PPP1R21: variants seen among roughly 807,000 people sequenced by gnomAD.
PPP1R21 encodes the protein protein phosphatase 1 regulatory subunit 21.
Under a neutral mutation model 112.8 loss-of-function variants are expected in PPP1R21, and 85 were observed. That is an observed-to-expected ratio of 0.75 (90% CI 0.63 to 0.90). PPP1R21 has a LOEUF of 0.90. Ranked by LOEUF, PPP1R21 falls within the 40% of genes least tolerant of loss-of-function variation. The pLI is 0.00. For missense variants in PPP1R21, 1,199 were observed against 901.5 expected, an observed-to-expected ratio of 1.33 and a Z score of -4.23; for synonymous variants, 381 against 322.3, an observed-to-expected ratio of 1.18 and a Z score of -1.95.
rs1005234989 is a variant in PPP1R21, at chr2:48,444,903, C to G, written c.57+3893C>G. 4.9e-4 allele frequency among the ~76,000 whole-genome samples: 75 copies of G among 151,606 alleles called. 1 individual carries two copies. The highest frequency in any genetic ancestry group is 3.9e-3 in the Admixed American group (59 of 15,214). ...GGACAGTGGATGCCAGCAGGAAAGC[C>G]AAACATCCATTATTTCTCTACAGTT... is the stretch of plus-strand genomic sequence containing the variant. On this transcript the variant is annotated intron_variant, in intron 1 of 21. Coordinates refer to ENST00000294952, the MANE Select transcript of PPP1R21 (RefSeq NM_001135629.3).
chr2:48,454,623 T>G lies in PPP1R21; in HGVS notation c.155T>G (p.Leu52Trp), dbSNP rs1322354833. ...CAACTGAAAATGAAGGATCAGTCAT[T>G]GAGAAAACTACAACAGGAAATGGAC... ...KEQLKMKDQS[L>W]RKLQQEMDSL... is the part of the protein sequence containing the mutation. The change falls in exon 3 of 22, where the codon TTG becomes TGG. Residue 52 changes from leucine (L) to tryptophan (W), a missense_variant. By Grantham distance (61) the Leu-to-Trp change is moderately conservative. Transcript: ENST00000294952. 1.2e-6 allele frequency: 2 copies of G among 1,614,012 alleles called. No homozygotes were observed. The highest frequency in any genetic ancestry group is 1.7e-6 in the Non-Finnish European group (2 of 1,179,998).
At chr2:48,471,694 A>G (rs1054311446) in intron 11 of PPP1R21, among the ~76,000 whole-genome samples, 2 of 152,178 alleles carry the variant, frequency 1.3e-5, no homozygotes, top group African/African-American at 4.8e-5. Context: ...TTTCTTTGAA[A>G]TGGTGTATTT....
chr2:48,452,047 A>G (rs1206197875), intron 2 of PPP1R21, among the ~76,000 whole-genome samples: 1 of 152,224 alleles, frequency 6.6e-6, no homozygotes, highest in Non-Finnish European at 1.5e-5. Flanking sequence ...CACCCAAGCC[A>G]AGATGATTAA....
At chr2:48,484,927 C>T (rs530181775) in intron 13 of PPP1R21, among the ~76,000 whole-genome samples, 62 of 152,268 alleles carry the variant, frequency 4.1e-4, no homozygotes, top group African/African-American at 1.4e-3. Context: ...AGATTGCTTA[C>T]CAACCAAATT....
At chr2:48,447,518 T>C (rs1667299569) in intron 1 of PPP1R21, among the ~76,000 whole-genome samples, 1 of 152,212 alleles carries the variant, frequency 6.6e-6, no homozygotes, top group Non-Finnish European at 1.5e-5. Context: ...TTATGTCATA[T>C]GCATTGGTGT....
chr2:48,443,250 A>G (rs181901418), intron 1 of PPP1R21, among the ~76,000 whole-genome samples: 25 of 152,302 alleles, frequency 1.6e-4, no homozygotes, highest in Non-Finnish European at 7.3e-5. Flanking sequence ...GTGAGGGAAC[A>G]TGACTGCCAC....
intron 17 of PPP1R21, among the ~76,000 whole-genome samples, chr2:48,503,151 G>A (rs536817531): frequency 1.3e-5 from 2 of 151,956 alleles, no homozygotes; most frequent in South Asian, 4.2e-4. Context: ...GTTTTTTGCC[G>A]GAATGGAAAA....
intron 9 of PPP1R21, among the ~76,000 whole-genome samples, chr2:48,468,987 G>A (rs1299909707): frequency 6.6e-6 from 1 of 151,884 alleles, no homozygotes; most frequent in African/African-American, 2.4e-5. Flanking sequence ...ACATGGCTGG[G>A]GAGGCCTCAG....
chr2:48,459,623 C>T, intron 4 of PPP1R21, 131 bp from the exon 5 acceptor site: 1 of 899,358 alleles, frequency 1.1e-6, no homozygotes, highest in Non-Finnish European at 1.7e-6. Flanking sequence ...TGAGATAATG[C>T]CTGTGTGGGT....
chr2:48,498,926 C>T (rs890244478), intron 17 of PPP1R21, among the ~76,000 whole-genome samples, 191 bp downstream of exon 17: 1 of 152,092 alleles, frequency 6.6e-6, no homozygotes, highest in African/African-American at 2.4e-5. Context: ...GATTAAGGTG[C>T]TGGGAGATTC....
Position 48,485,199 on chromosome 2 carries a change from A to G in PPP1R21, c.1319-1432A>G, listed in dbSNP as rs149063543. On this transcript the variant is annotated intron_variant, in intron 13 of 21. Transcript: ENST00000294952. The stretch of plus-strand genomic sequence containing the variant: ...ACTGGGTATTAACAATCCCACTACT[A>G]TGTTCACCATTTGGGTGATGGGCTC... 3.3e-3 allele frequency among the ~76,000 whole-genome samples: 503 copies of G among 152,208 alleles called. 3 individuals carry two copies. The highest frequency in any genetic ancestry group is 5.0e-3 in the Non-Finnish European group (343 of 68,006).
Position 48,495,765 on chromosome 2 carries a change from A to T in PPP1R21, c.1686A>T (p.Ala562=). The change falls in exon 16 of 22, where the codon GCA becomes GCT. Residue 562 remains alanine (A), a synonymous_variant. Transcript: ENST00000294952. ...CTACTGAAAGTCGAGAAGGCCTTGC[A>T]CAGCAAGTATGGCACTGGGAAAATT... is the stretch of plus-strand genomic sequence containing the variant. ...LSSTESREGL[A]QQVQQSLEKI... 6.3e-7 allele frequency: 1 copy of T among 1,584,306 alleles called. No individual in the cohort carries two copies. The highest frequency in any genetic ancestry group is 8.7e-7 in the Non-Finnish European group (1 of 1,152,786).
chr2:48,474,071 A>T (rs1428232083), intron 11 of PPP1R21, among the ~76,000 whole-genome samples: 1 of 152,130 alleles, frequency 6.6e-6, no homozygotes, highest in Admixed American at 6.5e-5. Context: ...TATTTTAATG[A>T]TTTTTAACAT....
rs376347710 is a variant in PPP1R21 at position 48,461,119 on chromosome 2, ATTT to A, written c.600-7_600-5del. On this transcript the variant is annotated splice_polypyrimidine_tract_variant and intron_variant, in intron 6 of 21. Coordinates refer to ENST00000294952, the MANE Select transcript of PPP1R21 (RefSeq NM_001135629.3). ...GTGATTGGTGATAATGTGGTTTTGT[ATTT>A]TTTTTTTTTTTGCAGTCAATTACAG... 1.0e-4 allele frequency: 149 copies of A among 1,489,710 alleles called. No homozygotes were observed. Among genetic ancestry groups the A allele is most frequent in the Admixed American group, 5.3e-4 (22 of 41,388 alleles). 92.3% of individuals were successfully genotyped at this position (1,489,710 alleles called of 1,614,324 possible).
At chr2:48,500,664 A>G (rs915288773) in intron 17 of PPP1R21, among the ~76,000 whole-genome samples, 1 of 152,328 alleles carries the variant, frequency 6.6e-6, no homozygotes, top group Admixed American at 6.5e-5. Context: ...TAATCCTAGC[A>G]CTTTGGAAGG....
chr2:48,453,566 A>G (rs1197938654), intron 2 of PPP1R21, among the ~76,000 whole-genome samples: 1 of 152,202 alleles, frequency 6.6e-6, no homozygotes, highest in African/African-American at 2.4e-5. Flanking sequence ...TCAGAACATC[A>G]TAAGTAAAAT....
chr2:48,475,857 A>AT (rs1160896925), intron 12 of PPP1R21, among the ~76,000 whole-genome samples: 1 of 152,094 alleles, frequency 6.6e-6, no homozygotes, highest in Non-Finnish European at 1.5e-5. Context: ...AAAAAAAAAA[A>AT]GTATTTTTGG....
chr2:48,442,574 C>T (rs1368640047), intron 1 of PPP1R21, among the ~76,000 whole-genome samples: 1 of 152,160 alleles, frequency 6.6e-6, no homozygotes, highest in African/African-American at 2.4e-5. Flanking sequence ...CTTAACAAGT[C>T]ACCTTTAATG....
At chr2:48,461,338 C>A (rs571408638) in intron 7 of PPP1R21, 106 bp downstream of exon 7, 6 of 1,341,950 alleles carry the variant, frequency 4.5e-6, no homozygotes, top group African/African-American at 1.5e-5. Context: ...TTTAATTGGC[C>A]CCACAGAAGA....
Sources: allele counts gnomAD v4.1 joint callset (sites outside exome capture counted in the v4.1 genomes callset), GRCh38; gene constraint gnomAD v4.1.1; transcripts MANE v1.5; gene names NCBI Gene and HGNC (gene_info 2026-07-23, HGNC 2026-07-21).